MYH10: variants seen among roughly 807,000 people sequenced by gnomAD.
The protein encoded by MYH10 is myosin-10.
MYH10 carries 55 observed loss-of-function variants against 257.8 expected under a neutral mutation model. The ratio of observed to expected loss-of-function variants is 0.21; its 90% confidence interval spans 0.17 to 0.27. The LOEUF is 0.27. MYH10 is among the 10% of genes least tolerant of loss of function. The pLI, the probability that MYH10 is intolerant of heterozygous loss-of-function variation, is 1.00. For missense variants in MYH10, 1,631 were observed against 2,500.6 expected (o/e 0.65, Z 7.42); for synonymous variants, 854 against 921.7 (o/e 0.93, Z 1.33).
chr17:8,534,578 A>G (rs1401877424), intron 16 of MYH10, among the ~76,000 whole-genome samples: 1 of 151,668 alleles, frequency 6.6e-6, no homozygotes, highest in African/African-American at 2.4e-5. Flanking sequence ...CTTTCCCTCT[A>G]CCTCTAAGAC....
chr17:8,592,503 A>C (rs1383935185), intron 3 of MYH10, among the ~76,000 whole-genome samples: 1 of 152,116 alleles, frequency 6.6e-6, no homozygotes, highest in African/African-American at 2.4e-5. Flanking sequence ...AAAGATAATA[A>C]GAAAATATTA....
chr17:8,586,544 T>TA (rs1270921376), intron 4 of MYH10, among the ~76,000 whole-genome samples: 1 of 152,090 alleles, frequency 6.6e-6, no homozygotes, highest in Non-Finnish European at 1.5e-5. Flanking sequence ...AAAAGCAATT[T>TA]AAAAAAGAAT....
At chr17:8,476,534 G>A (rs1331668401) in intron 42 of MYH10, among the ~76,000 whole-genome samples, 1 of 152,190 alleles carries the variant, frequency 6.6e-6, no homozygotes, top group Non-Finnish European at 1.5e-5. Context: ...GAGGGCTGAT[G>A]GCACCAGGTC....
intron 3 of MYH10, among the ~76,000 whole-genome samples, chr17:8,592,469 T>A (rs1238818768): frequency 6.6e-6 from 1 of 151,992 alleles, no homozygotes; most frequent in African/African-American, 2.4e-5. Flanking sequence ...AAAAGTAGTA[T>A]GATTAAGAAC....
At chr17:8,560,488 T>C in intron 7 of MYH10, 1 of 513,298 alleles carries the variant, frequency 1.9e-6, no homozygotes, top group Non-Finnish European at 3.7e-6. Context: ...GCCACTGTGT[T>C]CTTTTGACAT....
intron 7 of MYH10, among the ~76,000 whole-genome samples, chr17:8,555,704 A>G (rs1597817610): frequency 2.6e-5 from 4 of 152,236 alleles, no homozygotes; most frequent in Admixed American, 1.3e-4. Context: ...AGCAAACAGG[A>G]GAAAATCTTC....
chr17:8,475,831 G>C lies in MYH10; in HGVS notation c.5997C>G (p.Asn1999Lys), dbSNP rs145902144. The change falls in exon 43 of 43, where the codon AAC becomes AAG. Residue 1999 changes from asparagine (N) to lysine (K), a missense_variant. This residue lies in a region of MYH10 where 343 missense variants were observed against 389.5 expected (regional missense o/e 0.88). Coordinates refer to ENST00000360416, the MANE Select transcript of MYH10 (RefSeq NM_001256012.3). ...ACTCTGACTGGGGTGGCTGCGTCTC[G>C]TTGACATCACTGGTCTTACTTTCTG... ...DDTESKTSDV[N>K]ETQPPQSE The C allele has an allele frequency of 5.0e-6, 8 of 1,614,054 alleles. No individual in the cohort carries two copies. The highest frequency in any genetic ancestry group is 1.7e-5 in the Admixed American group (1 of 59,992).
Position 8,535,062 on chromosome 17 carries a change from T to G in MYH10, c.1894+325A>C, listed in dbSNP as rs2082104108. ...TGGAATGAGCAGGCCTTCTCGGGTT[T>G]TGTGTTCCAGTGTTCCTGGATTACA... On this transcript the variant is annotated intron_variant, in intron 16 of 42. Transcript: ENST00000360416. This position sits in a 1 kb window ranked among gnomAD's most constrained non-coding sequence, Gnocchi z 4.3. Among the ~76,000 whole-genome samples the G allele has an allele frequency of 6.6e-6, 1 of 152,122 alleles. No homozygotes were observed. Among genetic ancestry groups the G allele is most frequent in the Admixed American group, 6.5e-5 (1 of 15,268 alleles).
intron 9 of MYH10, among the ~76,000 whole-genome samples, chr17:8,551,260 A>G (rs2082634986): frequency 6.8e-6 from 1 of 147,402 alleles, no homozygotes; most frequent in East Asian, 2.0e-4. Flanking sequence ...ATCATCTTGA[A>G]TTTTTAGTCT....
chr17:8,529,488 C>G (rs1434055989), intron 17 of MYH10, among the ~76,000 whole-genome samples: 3 of 152,224 alleles, frequency 2.0e-5, no homozygotes, highest in Non-Finnish European at 4.4e-5. Flanking sequence ...TACCTCCAAG[C>G]TTCCCCCGTC....
intron 35 of MYH10, 152 bp from the exon 36 acceptor site, chr17:8,487,746 A>T (rs1915116987): frequency 2.4e-6 from 2 of 845,476 alleles, no homozygotes; most frequent in African/African-American, 3.4e-5. Flanking sequence ...GTTACTATCA[A>T]CAGAAAACCA....
At chr17:8,541,777 G>A (rs2082296173) in intron 14 of MYH10, among the ~76,000 whole-genome samples, 2 of 152,122 alleles carry the variant, frequency 1.3e-5, no homozygotes. Flanking sequence ...AAAGTGTCAG[G>A]TGGAGCTCCA....
At chr17:8,515,552 TTTTTTTTTG>T in intron 21 of MYH10, among the ~76,000 whole-genome samples, 1 of 142,248 alleles carries the variant, frequency 7.0e-6, no homozygotes, top group South Asian at 2.4e-4. Context: ...TTTTTTTTTT[TTTTTTTTTG>T]AGACAGAGTC....
At chr17:8,618,514 C>A (rs776980805) in intron 2 of MYH10, among the ~76,000 whole-genome samples, 1 of 152,226 alleles carries the variant, frequency 6.6e-6, no homozygotes, top group African/African-American at 2.4e-5. Flanking sequence ...GCTGGGATTA[C>A]AGGCGTTAGT....
At position 8,478,403 on chromosome 17, in the gene MYH10, T is replaced by G. The variant is rs1913064480; in HGVS notation, c.5641A>C (p.Lys1881Gln). The change falls in exon 41 of 43, where the codon AAG (lysine) becomes CAG (glutamine). Residue 1881 changes from lysine (K) to glutamine (Q), a missense_variant. Physicochemically the swap from Lys to Gln is moderately conservative, Grantham distance 53. This residue lies in a region of MYH10 where 343 missense variants were observed against 389.5 expected (regional missense o/e 0.88). Transcript: ENST00000360416. ...ACCTGCATGAAGATTTCTTTCAGCT[T>G]CTTCTCAGTGCGACGGACTAATTTG... ...ANKLVRRTEK[K>Q]LKEIFMQVED... The G allele has an allele frequency of 4.3e-6, 7 of 1,614,260 alleles. No individual in the cohort carries two copies. Among genetic ancestry groups the G allele is most frequent in the East Asian group, 2.2e-5 (1 of 44,888 alleles).
chr17:8,509,692 A>G (rs2081194644), intron 25 of MYH10, 120 bp downstream of exon 25: 1 of 986,032 alleles, frequency 1.0e-6, no homozygotes, highest in Admixed American at 3.2e-5. Context: ...AAATTCAGTA[A>G]ATGAACCTAA....
At chr17:8,576,769 G>C in intron 5 of MYH10, 97 bp from the exon 6 acceptor site, 1 of 1,186,634 alleles carries the variant, frequency 8.4e-7, no homozygotes, top group East Asian at 2.6e-5. Context: ...GTGCAGTTGA[G>C]AACTGTGGAA....
Position 8,618,687 on chromosome 17 carries a change from C to T in MYH10, c.345+4215G>A, listed in dbSNP as rs2085355422. ...CCATGCATGATTTCATAACACCATA[C>T]ACACATCATCTGGAGAATACTGGCT... On this transcript the variant is annotated intron_variant, in intron 2 of 42. Transcript: ENST00000360416. Among the ~76,000 whole-genome samples, 3 of 152,164 alleles carry T rather than the reference C, an allele frequency of 2.0e-5. No homozygotes were observed. In the South Asian group the frequency reaches 6.2e-4, roughly 32 times the overall value.
intron 14 of MYH10, among the ~76,000 whole-genome samples, chr17:8,536,256 GGA>G (rs1165342036): frequency 1.4e-4 from 22 of 152,140 alleles, no homozygotes; most frequent in African/African-American, 2.4e-5. Flanking sequence ...AGTGGGAAGT[GGA>G]GAGATGAAAC....
Sources: gnomAD v4.1 joint callset for allele counts (sites outside exome capture counted in the v4.1 genomes callset) on GRCh38, gnomAD v4.1.1 for gene constraint, gnomAD v4.1.1 regional missense constraint, Gnocchi (gnomAD v3.1) non-coding constraint, MANE v1.5 for transcripts, NCBI Gene and HGNC (gene_info 2026-07-23, HGNC 2026-07-21) for gene names.